Variants in RFX7 observed in about 807,000 individuals in gnomAD.
RFX7 encodes DNA-binding protein RFX7.
In RFX7, 26 loss-of-function variants were observed where a neutral mutation model predicts 111.8. The observed-to-expected ratio is 0.23, with a 90% confidence interval of 0.17 to 0.32. The LOEUF (loss-of-function observed/expected upper bound fraction) is 0.32, where lower values mean the gene tolerates loss of function less well. RFX7 is among the 10% of genes least tolerant of loss of function. The pLI is 1.00. For synonymous variants in RFX7, 624 were observed against 624.4 expected, an observed-to-expected ratio of 1.00 and a Z score of 0.01; for missense variants, 1,573 against 1,772.9, an observed-to-expected ratio of 0.89 and a Z score of 2.02.
chr15:56,237,805 A>T (rs770807053), intron 2 of RFX7, among the ~76,000 whole-genome samples: 3 of 152,196 alleles, frequency 2.0e-5, no homozygotes, highest in African/African-American at 7.2e-5. Context: ...CAATTTTATC[A>T]GTTTAAAATC....
intron 2 of RFX7, among the ~76,000 whole-genome samples, chr15:56,227,726 T>A (rs1438025502): frequency 6.6e-6 from 1 of 152,204 alleles, no homozygotes; most frequent in East Asian, 1.9e-4. Context: ...ACAGTGTTAT[T>A]ATTTTGAACT....
intron 2 of RFX7, among the ~76,000 whole-genome samples, chr15:56,197,948 GA>G (rs2043160589): frequency 6.6e-6 from 1 of 152,072 alleles, no homozygotes; most frequent in Non-Finnish European, 1.5e-5. Context: ...TCAAAATCCA[GA>G]AAATTGTGAT....
chr15:56,151,009 T>C (rs776554588), intron 3 of RFX7, among the ~76,000 whole-genome samples: 100 of 149,888 alleles, frequency 6.7e-4, no homozygotes, highest in Non-Finnish European at 1.3e-3. Flanking sequence ...AAGACAAGAT[T>C]AGAGGGAAAA....
chr15:56,129,267 G>C (rs2042182783), intron 5 of RFX7, among the ~76,000 whole-genome samples: 1 of 151,806 alleles, frequency 6.6e-6, no homozygotes, highest in Non-Finnish European at 1.5e-5. Flanking sequence ...CCCAGCAACT[G>C]GGGAGGCTGA....
chr15:56,231,079 A>T (rs1349341665), intron 2 of RFX7, among the ~76,000 whole-genome samples: 2 of 152,244 alleles, frequency 1.3e-5, no homozygotes, highest in Non-Finnish European at 2.9e-5. Flanking sequence ...ACAGAATATA[A>T]GGCAAACAGT....
intron 5 of RFX7, among the ~76,000 whole-genome samples, chr15:56,135,127 C>A (rs2042280236): frequency 6.6e-6 from 1 of 152,120 alleles, no homozygotes; most frequent in Admixed American, 6.5e-5. Context: ...TGGGTATATA[C>A]CCAGTAATGG....
At chr15:56,229,329 GA>G (rs1482378557) in intron 2 of RFX7, among the ~76,000 whole-genome samples, 4 of 152,072 alleles carry the variant, frequency 2.6e-5, no homozygotes, top group Non-Finnish European at 5.9e-5. Context: ...GCAGTGGCAG[GA>G]TCTCGGCTCA....
intron 2 of RFX7, among the ~76,000 whole-genome samples, chr15:56,240,259 G>T (rs559605267): frequency 6.6e-6 from 1 of 152,082 alleles, no homozygotes; most frequent in South Asian, 2.1e-4. Flanking sequence ...TTTTGTCTAT[G>T]GAGTAAGAAT....
At chr15:56,230,749 T>C (rs2043545316) in intron 2 of RFX7, among the ~76,000 whole-genome samples, 1 of 152,184 alleles carries the variant, frequency 6.6e-6, no homozygotes, top group African/African-American at 2.4e-5. Flanking sequence ...TGTACTACAG[T>C]AGCTAACGAA....
At position 56,109,076 on chromosome 15, in the gene RFX7, C is replaced by T. The variant is rs997369491; in HGVS notation, c.402-5406G>A. Among the ~76,000 whole-genome samples the T allele has an allele frequency of 4.6e-5, 7 of 152,302 alleles. No homozygotes were observed. In the East Asian group the frequency reaches 5.8e-4, roughly 13 times the overall value. On this transcript the variant is annotated intron_variant, in intron 5 of 9. Coordinates refer to ENST00000559447, the MANE Select transcript of RFX7 (RefSeq NM_022841.7). ...CTGCCTCTCCCTCTCCCTCTTTCCA[C>T]GGTCTCCCTCTGATGCCGAGCCGAA...
At chr15:56,219,567 C>T (rs1422955509) in intron 2 of RFX7, among the ~76,000 whole-genome samples, 1 of 152,160 alleles carries the variant, frequency 6.6e-6, no homozygotes, top group Non-Finnish European at 1.5e-5. Context: ...TCTTTGCGTC[C>T]ATGTGTTCTC....
chr15:56,111,188 G>A (rs1363151793), intron 5 of RFX7, among the ~76,000 whole-genome samples: 1 of 142,370 alleles, frequency 7.0e-6, no homozygotes, highest in Non-Finnish European at 1.5e-5. Flanking sequence ...TGACAATGGC[G>A]GTTTTGTGGA....
chr15:56,204,708 G>GGAATATAGTATGAGTGTAATTA, intron 2 of RFX7, among the ~76,000 whole-genome samples: 1 of 152,094 alleles, frequency 6.6e-6, no homozygotes, highest in Non-Finnish European at 1.5e-5. Flanking sequence ...AGTAATAATG[G>GGAATATAGTATGAGTGTAATTA]CAATGGAATA....
intron 2 of RFX7, among the ~76,000 whole-genome samples, chr15:56,179,964 T>A (rs1422282635): frequency 6.6e-6 from 1 of 152,198 alleles, no homozygotes; most frequent in Admixed American, 6.5e-5. Context: ...ATAAGTGAAC[T>A]GTTAATATAT....
intron 2 of RFX7, among the ~76,000 whole-genome samples, chr15:56,183,806 G>T (rs1466935262): frequency 6.6e-6 from 1 of 150,552 alleles, no homozygotes; most frequent in Non-Finnish European, 1.5e-5. Context: ...AGGTTGAATG[G>T]GAGAAGATGA....
intron 3 of RFX7, among the ~76,000 whole-genome samples, chr15:56,162,134 A>G (rs1172089673): frequency 6.6e-6 from 1 of 152,046 alleles, no homozygotes; most frequent in Non-Finnish European, 1.5e-5. Flanking sequence ...TTTTTTCAGC[A>G]TGTAAAAAAA....
At chr15:56,135,186 C>T (rs1389431843) in intron 5 of RFX7, among the ~76,000 whole-genome samples, 37 of 152,280 alleles carry the variant, frequency 2.4e-4, no homozygotes, top group African/African-American at 8.4e-4. Flanking sequence ...TGAGGAATCG[C>T]CATACTGACT....
intron 3 of RFX7, among the ~76,000 whole-genome samples, chr15:56,148,981 G>T (rs1361627740): frequency 6.6e-6 from 1 of 151,888 alleles, no homozygotes; most frequent in Non-Finnish European, 1.5e-5. Context: ...TACTCGGGAG[G>T]CTGAGGCAGG....
At chr15:56,121,711 C>A (rs13380064) in intron 5 of RFX7, among the ~76,000 whole-genome samples, 4,421 of 151,968 alleles carry the variant, frequency 0.029, 196 homozygotes, top group African/African-American at 0.091. Context: ...GTGCTTCATT[C>A]TTTTTTTTAT....
Sources: gnomAD v4.1 joint callset for allele counts (sites outside exome capture counted in the v4.1 genomes callset) on GRCh38, gnomAD v4.1.1 for gene constraint, MANE v1.5 for transcripts, NCBI Gene and HGNC (gene_info 2026-07-23, HGNC 2026-07-21) for gene names.